The following SLC7A8 variants were observed in gnomAD, a reference collection of about 807,000 sequenced individuals.
The protein encoded by SLC7A8 is solute carrier family 7 member 8.
Under a neutral mutation model 51.2 loss-of-function variants are expected in SLC7A8, and 30 were observed. That is an observed-to-expected ratio of 0.59 (90% CI 0.44 to 0.80). SLC7A8 has a LOEUF of 0.80. SLC7A8 is among the 30% of genes least tolerant of loss of function. The pLI is 0.00. For synonymous variants in SLC7A8, 257 were observed against 275.8 expected (o/e 0.93, Z 0.67); for missense variants, 612 against 674.4 (o/e 0.91, Z 1.03).
chr14:23,150,988 G>C (rs1453970812), intron 3 of SLC7A8, among the ~76,000 whole-genome samples: 1 of 152,236 alleles, frequency 6.6e-6, no homozygotes, highest in East Asian at 1.9e-4. Flanking sequence ...TGGACCAGAA[G>C]CCCAGATGGT....
chr14:23,166,273 C>T lies in SLC7A8; in HGVS notation c.356+63G>A, dbSNP rs1325381675. The T allele has an allele frequency of 1.9e-6, 3 of 1,571,458 alleles. No individual in the cohort carries two copies. The African/African-American group carries it at 4.0e-5, about 21-fold the overall frequency. On this transcript the variant is annotated intron_variant, in intron 2 of 10. Transcript: ENST00000316902. ...CTGGCCTTGGCTTTTTCCAATCTGA[C>T]CTCCTTCTGAATGTCTTCCTCCTTT...
chr14:23,166,226 G>T, intron 2 of SLC7A8, 110 bp downstream of exon 2: 2 of 1,136,706 alleles, frequency 1.8e-6, no homozygotes, highest in East Asian at 2.4e-5. Context: ...GCACCCCGTG[G>T]CACACTGGAG....
intron 1 of SLC7A8, among the ~76,000 whole-genome samples, chr14:23,175,094 C>T (rs1329739809): frequency 6.6e-6 from 1 of 152,156 alleles, no homozygotes; most frequent in African/African-American, 2.4e-5. Context: ...CTTGAGAAGC[C>T]CCAGCCAAGA....
Position 23,127,130 on chromosome 14 carries a change from A to G in SLC7A8, c.*47T>C. On this transcript the variant is annotated 3_prime_UTR_variant, in exon 11 of 11. Coordinates refer to ENST00000316902, the MANE Select transcript of SLC7A8 (RefSeq NM_012244.4). ...GTTGGCAGGACCAAGGCAGGGAGGTAGGATAAAAGGGGGAGGAAGGAGAGA... is the reference window on the plus strand; with the variant it reads ...GTTGGCAGGACCAAGGCAGGGAGGTGGGATAAAAGGGGGAGGAAGGAGAGA... The G allele has an allele frequency of 1.9e-6, 3 of 1,607,660 alleles. No individual in the cohort carries two copies. The highest frequency in any genetic ancestry group is 2.2e-5 in the East Asian group (1 of 44,720).
chr14:23,148,560 T>C (rs2048818940), intron 3 of SLC7A8, among the ~76,000 whole-genome samples: 1 of 152,206 alleles, frequency 6.6e-6, no homozygotes, highest in Non-Finnish European at 1.5e-5. Context: ...GAGATTATCC[T>C]GGATTATCCA....
At chr14:23,142,989 G>A in intron 4 of SLC7A8, 90 bp downstream of exon 4, 1 of 1,498,048 alleles carries the variant, frequency 6.7e-7, no homozygotes, top group Non-Finnish European at 9.2e-7. Context: ...AAATCTCAGG[G>A]TGTGGCATAC....
rs1260864907 is a variant in SLC7A8, at chr14:23,128,339, C to T, written c.1264-143G>A. 1 of 1,540,934 alleles carries T rather than the reference C, an allele frequency of 6.5e-7. No homozygotes were observed. The highest frequency in any genetic ancestry group is 8.7e-7 in the Non-Finnish European group (1 of 1,147,052). On this transcript the variant is annotated intron_variant, in intron 9 of 10. Coordinates refer to ENST00000316902, the MANE Select transcript of SLC7A8 (RefSeq NM_012244.4). This position sits in a 1 kb window ranked among gnomAD's most constrained non-coding sequence, Gnocchi z 4.3. The stretch of plus-strand genomic sequence containing the variant: ...TGGGCTTCCCTCGGCTCTGTGGTCC[C>T]ACACTCACCCCTGGTAGGGCAGGGG...
chr14:23,158,261 AG>A (rs1418179499), intron 3 of SLC7A8, among the ~76,000 whole-genome samples: 1 of 152,230 alleles, frequency 6.6e-6, no homozygotes, highest in East Asian at 1.9e-4. Context: ...GCTCTAGAGC[AG>A]GCAAAATTTT....
Position 23,127,191 on chromosome 14 carries a change from G to GC in SLC7A8, c.1593dup (p.Gln532AlafsTer53), listed in dbSNP as rs748718208. The stretch of plus-strand genomic sequence containing the variant: ...AATGGTGGTCCTCAGGGCTGGGGCT[G>GC]CCCCGCCACGTCCTTGTCCTTCGTG... On this transcript the variant is annotated frameshift_variant, in exon 11 of 11. Coordinates refer to ENST00000316902, the MANE Select transcript of SLC7A8 (RefSeq NM_012244.4). LOFTEE classifies it high-confidence loss of function. 1 of 1,614,076 alleles carries GC rather than the reference G, an allele frequency of 6.2e-7. No homozygotes were observed. Among genetic ancestry groups the GC allele is most frequent in the African/African-American group, 1.3e-5 (1 of 75,026 alleles).
At chr14:23,181,118 C>T (rs1166528838) in intron 1 of SLC7A8, among the ~76,000 whole-genome samples, 1 of 152,066 alleles carries the variant, frequency 6.6e-6, no homozygotes, top group Non-Finnish European at 1.5e-5. Context: ...TGCCTGTGGG[C>T]GTGCGCATCT....
intron 3 of SLC7A8, among the ~76,000 whole-genome samples, chr14:23,144,350 T>C (rs1216334721): frequency 1.3e-5 from 2 of 150,808 alleles, no homozygotes; most frequent in East Asian, 3.9e-4. Flanking sequence ...AATTTTTTTT[T>C]TTTTTTTTTT....
intron 5 of SLC7A8, 22 bp from the exon 6 acceptor site, chr14:23,139,569 G>T (rs750569804): frequency 6.2e-7 from 1 of 1,608,210 alleles, no homozygotes; most frequent in South Asian, 1.1e-5. Flanking sequence ...GAGGAGGTGA[G>T]GGGAAGGGCT....
intron 3 of SLC7A8, among the ~76,000 whole-genome samples, chr14:23,146,254 A>G (rs1440105836): frequency 6.6e-6 from 1 of 152,206 alleles, no homozygotes; most frequent in Non-Finnish European, 1.5e-5. Flanking sequence ...TTACACAACA[A>G]GGAACTGGAT....
rs2140345969 is a variant in SLC7A8, at chr14:23,183,236, G to A, written c.-322C>T. 3.5e-6 allele frequency: 1 copy of A among 288,412 alleles called. No homozygotes were observed. Among genetic ancestry groups the A allele is most frequent in the Non-Finnish European group, 6.5e-6 (1 of 152,862 alleles). 17.9% of individuals were successfully genotyped at this position (288,412 alleles called of 1,614,324 possible). A position where few individuals can be genotyped will look rare whatever the true frequency, so the allele number is the denominator to read the frequency against. On this transcript the variant is annotated 5_prime_UTR_variant, in exon 1 of 11. Coordinates refer to ENST00000316902, the MANE Select transcript of SLC7A8 (RefSeq NM_012244.4). Reference sequence around the variant, plus strand: ...CGGCTGGAATTCTGCTGAAAGGGATGTGTCTTCAGAAACCAGGATGGTTCT... The same window carrying A: ...CGGCTGGAATTCTGCTGAAAGGGATATGTCTTCAGAAACCAGGATGGTTCT...
At chr14:23,178,109 A>G (rs1877002813) in intron 1 of SLC7A8, among the ~76,000 whole-genome samples, 1 of 152,228 alleles carries the variant, frequency 6.6e-6, no homozygotes, top group Admixed American at 6.5e-5. Flanking sequence ...AGGAAGAGGT[A>G]ATAAAGTGTC....
At chr14:23,159,415 C>A (rs1217516937) in intron 3 of SLC7A8, among the ~76,000 whole-genome samples, 2 of 152,190 alleles carry the variant, frequency 1.3e-5, no homozygotes, top group Non-Finnish European at 2.9e-5. Flanking sequence ...ATATGGGAAT[C>A]AAATGTAGGC....
chr14:23,159,523 G>A (rs2048910621), intron 3 of SLC7A8, among the ~76,000 whole-genome samples: 1 of 152,252 alleles, frequency 6.6e-6, no homozygotes, highest in South Asian at 2.1e-4. Context: ...TGCTGCCCAG[G>A]TATCTGAAGG....
At chr14:23,171,584 T>C (rs746630832) in intron 1 of SLC7A8, among the ~76,000 whole-genome samples, 3 of 152,202 alleles carry the variant, frequency 2.0e-5, no homozygotes, top group Non-Finnish European at 2.9e-5. Flanking sequence ...TGGCCTTCCT[T>C]ACTCATGCTA....
At chr14:23,179,724 G>A (rs985283274) in intron 1 of SLC7A8, among the ~76,000 whole-genome samples, 9 of 151,918 alleles carry the variant, frequency 5.9e-5, no homozygotes, top group Non-Finnish European at 1.0e-4. Context: ...TGGAAGGATC[G>A]CTTGAGCCCA....
Sources: allele counts gnomAD v4.1 joint callset (sites outside exome capture counted in the v4.1 genomes callset), GRCh38; gene constraint gnomAD v4.1.1; non-coding constraint Gnocchi (gnomAD v3.1); transcripts MANE v1.5; gene names NCBI Gene and HGNC (gene_info 2026-07-23, HGNC 2026-07-21).